Variants in SGPP2 observed in about 807,000 individuals in gnomAD.
SGPP2 encodes the protein sphingosine 1-phosphate phosphohydrolase 2.
SGPP2 carries 30 observed loss-of-function variants against 33.9 expected under a neutral mutation model. That is an observed-to-expected ratio of 0.89 (90% CI 0.66 to 1.20). The LOEUF (loss-of-function observed/expected upper bound fraction) is 1.20, where lower values mean the gene tolerates loss of function less well. Ranked by LOEUF, SGPP2 falls within the 50% of genes most tolerant of loss-of-function variation. SGPP2 has a pLI of 0.00. For synonymous variants in SGPP2, 233 were observed against 225.0 expected (o/e 1.04, Z -0.32); for missense variants, 458 against 532.1 (o/e 0.86, Z 1.37).
chr2:222,545,645 T>C (rs902983794), intron 4 of SGPP2, among the ~76,000 whole-genome samples: 1 of 146,552 alleles, frequency 6.8e-6, no homozygotes, highest in African/African-American at 2.4e-5. Context: ...TCTCAAACTA[T>C]TGATTTGCAA....
rs562133559 is a variant in SGPP2 at position 222,559,882 on chromosome 2, C to T, written c.*984C>T. ...AGGTCATGGGGAAAAGCCTGCTTTC[C>T]TTATAAGTCCTGCTGTTCATGTTGG... On this transcript the variant is annotated 3_prime_UTR_variant, in exon 5 of 5. Coordinates refer to ENST00000321276, the MANE Select transcript of SGPP2 (RefSeq NM_152386.4). 6.6e-6 allele frequency: 1 copy of T among 152,414 alleles called. No homozygotes were observed. The highest frequency in any genetic ancestry group is 2.1e-4 in the South Asian group (1 of 4,832). 9.4% of individuals were successfully genotyped at this position (152,414 alleles called of 1,614,324 possible).
At chr2:222,490,306 T>C (rs1438787268) in intron 2 of SGPP2, among the ~76,000 whole-genome samples, 1 of 152,202 alleles carries the variant, frequency 6.6e-6, no homozygotes, top group Non-Finnish European at 1.5e-5. Flanking sequence ...GAGATCATCC[T>C]AAAAGCTAAG....
intron 2 of SGPP2, 35 bp from the exon 3 acceptor site, chr2:222,521,732 T>C: frequency 1.3e-6 from 2 of 1,562,150 alleles, no homozygotes; most frequent in Non-Finnish European, 1.7e-6. Flanking sequence ...TTTTCCTTAT[T>C]TGATTAGACT....
At chr2:222,540,088 G>A (rs1047272703) in intron 4 of SGPP2, among the ~76,000 whole-genome samples, 2 of 152,036 alleles carry the variant, frequency 1.3e-5, no homozygotes, top group Admixed American at 6.6e-5. Flanking sequence ...AAGTCTCTTC[G>A]GTCATATAGG....
chr2:222,439,693 A>G (rs1289336011), intron 1 of SGPP2, among the ~76,000 whole-genome samples: 1 of 152,280 alleles, frequency 6.6e-6, no homozygotes, highest in Non-Finnish European at 1.5e-5. Flanking sequence ...GCCAATTTCA[A>G]AAGATCAAGT....
chr2:222,448,206 G>C (rs1697425462), intron 1 of SGPP2, among the ~76,000 whole-genome samples: 1 of 152,206 alleles, frequency 6.6e-6, no homozygotes, highest in Admixed American at 6.5e-5. Context: ...AAGAATTCAA[G>C]CTCTGTACCA....
chr2:222,497,124 C>T (rs1698292826), intron 2 of SGPP2, among the ~76,000 whole-genome samples: 1 of 152,196 alleles, frequency 6.6e-6, no homozygotes, highest in East Asian at 1.9e-4. Flanking sequence ...CAAATTTGGC[C>T]AAGGTTATCT....
At chr2:222,520,726 A>AG (rs1698671536) in intron 2 of SGPP2, among the ~76,000 whole-genome samples, 1 of 71,822 alleles carries the variant, frequency 1.4e-5, no homozygotes, top group African/African-American at 3.2e-5. Flanking sequence ...GACTCTGAAA[A>AG]AAAAAAAAAA....
chr2:222,546,807 A>G (rs1167176796), intron 4 of SGPP2, among the ~76,000 whole-genome samples: 1 of 142,126 alleles, frequency 7.0e-6, no homozygotes. Context: ...AGACGTTTTT[A>G]TTCTTTTACA....
chr2:222,555,548 C>A (rs1388029950), intron 4 of SGPP2, among the ~76,000 whole-genome samples: 4 of 140,570 alleles, frequency 2.8e-5, no homozygotes, highest in Admixed American at 7.6e-5. Flanking sequence ...AGCATTCAAT[C>A]AAAAAATGCA....
rs1416277472 is a variant in SGPP2, at chr2:222,477,315, G to A, written c.378+2589G>A. On this transcript the variant is annotated intron_variant, in intron 2 of 4. Coordinates refer to ENST00000321276, the MANE Select transcript of SGPP2 (RefSeq NM_152386.4). The surrounding 1 kb of genome is among the most constrained non-coding windows in gnomAD (Gnocchi z 6.0). The stretch of plus-strand genomic sequence containing the variant: ...TGTATATGTGTGTATATAGGTGTGA[G>A]TATATATGTGTGTCTATGTGTGTGT... Among the ~76,000 whole-genome samples, 2 of 148,050 alleles carry A rather than the reference G, an allele frequency of 1.4e-5. No homozygotes were observed. Among genetic ancestry groups the A allele is most frequent in the Non-Finnish European group, 3.0e-5 (2 of 67,266 alleles).
intron 1 of SGPP2, among the ~76,000 whole-genome samples, chr2:222,455,854 A>G (rs1222817310): frequency 6.6e-6 from 1 of 152,182 alleles, no homozygotes; most frequent in Non-Finnish European, 1.5e-5. Flanking sequence ...GTGAGCTATG[A>G]TTGAACCACT....
intron 2 of SGPP2, among the ~76,000 whole-genome samples, chr2:222,481,295 A>G (rs181079591): frequency 1.3e-5 from 2 of 152,360 alleles, no homozygotes; most frequent in East Asian, 3.9e-4. Flanking sequence ...CTTCCAGTTC[A>G]TATATAATTA....
At position 222,474,619 on chromosome 2, in the gene SGPP2, C is replaced by T. The variant is rs775203743; in HGVS notation, c.271C>T (p.Gln91Ter). 6.2e-7 allele frequency: 1 copy of T among 1,613,998 alleles called. No homozygotes were observed. The highest frequency in any genetic ancestry group is 8.5e-7 in the Non-Finnish European group (1 of 1,179,970). ...GAATTATTTCTACTATTACCTATTC[C>T]AATTTTCAGCTGCTTTGGGCCAAGA... ...VKNYFYYYLF[Q>*]FSAALGQEVF... Residue 91 changes from glutamine (Q) to a stop codon, truncating the protein, a stop_gained, in exon 2 of 5, where the codon CAA (glutamine) becomes TAA (stop). Transcript: ENST00000321276. LOFTEE classifies it high-confidence loss of function.
Position 222,558,561 on chromosome 2 carries a change from C to G in SGPP2, c.863C>G (p.Thr288Ser). The G allele has an allele frequency of 1.2e-6, 2 of 1,614,182 alleles. No individual in the cohort carries two copies. The highest frequency in any genetic ancestry group is 1.7e-6 in the Non-Finnish European group (2 of 1,180,030). ...TTILAAGAGV[T>S]IGFWINHFFQ... ...ATTCTGGCTGCCGGGGCTGGAGTGACCATAGGATTCTGGATCAACCATTTC... is the reference window on the plus strand; with the variant it reads ...ATTCTGGCTGCCGGGGCTGGAGTGAGCATAGGATTCTGGATCAACCATTTC... Residue 288 changes from threonine (T) to serine (S), a missense_variant, in exon 5 of 5, where the codon ACC (threonine) becomes AGC (serine). Transcript: ENST00000321276.
intron 1 of SGPP2, chr2:222,452,300 T>C: frequency 1.7e-6 from 1 of 579,508 alleles, no homozygotes; most frequent in Non-Finnish European, 3.2e-6. Flanking sequence ...GAACATGTGG[T>C]TTCCAAAAAA....
At chr2:222,479,701 C>G (rs1395738738) in intron 2 of SGPP2, among the ~76,000 whole-genome samples, 12 of 152,076 alleles carry the variant, frequency 7.9e-5, no homozygotes, top group Admixed American at 7.9e-4. Context: ...CCGCGCCCGG[C>G]CTCTTATCTA....
At chr2:222,432,797 G>T (rs1407405937) in intron 1 of SGPP2, among the ~76,000 whole-genome samples, 1 of 152,158 alleles carries the variant, frequency 6.6e-6, no homozygotes, top group Non-Finnish European at 1.5e-5. Flanking sequence ...AAAGGCGGGT[G>T]GATCACCTGA....
chr2:222,479,182 C>A (rs182821839), intron 2 of SGPP2, among the ~76,000 whole-genome samples: 2 of 152,208 alleles, frequency 1.3e-5, no homozygotes, highest in Non-Finnish European at 2.9e-5. Context: ...GCCTTGTCTA[C>A]CAGGGGAAGC....
Sources: gnomAD v4.1 joint callset for allele counts (sites outside exome capture counted in the v4.1 genomes callset) on GRCh38, gnomAD v4.1.1 for gene constraint, Gnocchi (gnomAD v3.1) non-coding constraint, MANE v1.5 for transcripts, NCBI Gene and HGNC (gene_info 2026-07-23, HGNC 2026-07-21) for gene names.